CEACAM4: variants seen among roughly 807,000 people sequenced by gnomAD.
CEACAM4 encodes CEA cell adhesion molecule 4.
Under a neutral mutation model 28.7 loss-of-function variants are expected in CEACAM4, and 30 were observed. The ratio of observed to expected loss-of-function variants is 1.05; its 90% CI spans 0.78 to 1.42. The LOEUF (loss-of-function observed/expected upper bound fraction) is 1.42. Ranked by LOEUF, CEACAM4 falls within the 40% of genes most tolerant of loss-of-function variation. The pLI, the probability that CEACAM4 is intolerant of heterozygous loss-of-function variation, is 0.00. For synonymous variants in CEACAM4, 143 were observed against 126.5 expected (o/e 1.13, Z -0.87); for missense variants, 330 against 308.2 (o/e 1.07, Z -0.53).
chr19:41,619,584 A>T (rs1555800227), intron 6 of CEACAM4, 86 bp downstream of exon 6: 5 of 1,560,202 alleles, frequency 3.2e-6, no homozygotes, highest in Non-Finnish European at 4.3e-6. Flanking sequence ...CATTTTCCTG[A>T]ATCTGAGCTC....
downstream of CEACAM4, chr19:41,618,970 TC>T (rs202113640): frequency 8.7e-3 from 2,368 of 273,564 alleles, 56 homozygotes; most frequent in African/African-American, 0.048. Flanking sequence ...ACACGGAGTT[TC>T]AGGTGAGTTT....
In CEACAM4 at chr19:41,620,555, T is replaced by G; in HGVS notation, c.595+20A>C. ...GGGCAGGCCTAGGGGCTCCCACACC[T>G]GGGCTGAAGGGACACTCACCAGGGG... On this transcript the variant is annotated intron_variant, in intron 4 of 6. Transcript: ENST00000221954. 1 of 1,608,412 alleles carries G rather than the reference T, an allele frequency of 6.2e-7. No individual in the cohort carries two copies. The highest frequency in any genetic ancestry group is 8.5e-7 in the Non-Finnish European group (1 of 1,176,928).
intron 2 of CEACAM4, 89 bp downstream of exon 2, chr19:41,625,512 G>C (rs2071579846): frequency 1.7e-5 from 24 of 1,443,174 alleles, no homozygotes; most frequent in Non-Finnish European, 2.3e-5. Context: ...AATGCAGAGG[G>C]GGATGCAGGC....
intron 5 of CEACAM4, 84 bp from the exon 6 acceptor site, chr19:41,619,795 G>A (rs1407764497): frequency 1.7e-6 from 2 of 1,180,088 alleles, no homozygotes; most frequent in Non-Finnish European, 2.3e-6. Context: ...TCTCTGATCG[G>A]CCAGGACTTA....
At position 41,625,912 on chromosome 19, in the gene CEACAM4, A is replaced by C; in HGVS notation, c.113T>G (p.Ile38Ser). 1 of 1,613,750 alleles carries C rather than the reference A, an allele frequency of 6.2e-7. No homozygotes were observed. The highest frequency in any genetic ancestry group is 8.5e-7 in the Non-Finnish European group (1 of 1,179,788). Reference sequence around the variant, plus strand: ...TGCAGCACTGGACGGCAGGGCTTCAATAGTGAACTGGACAGTGGTGGGCGG... The same window carrying C: ...TGCAGCACTGGACGGCAGGGCTTCACTAGTGAACTGGACAGTGGTGGGCGG... ...WHPPTTVQFT[I>S]EALPSSAAEG... Residue 38 changes from isoleucine to serine, a missense_variant, in exon 2 of 7, where the codon ATT becomes AGT. Coordinates refer to ENST00000221954, the MANE Select transcript of CEACAM4 (RefSeq NM_001817.4).
At chr19:41,625,459 G>T in intron 2 of CEACAM4, 142 bp downstream of exon 2, 2 of 930,222 alleles carry the variant, frequency 2.2e-6, no homozygotes, top group Non-Finnish European at 1.7e-6. Flanking sequence ...TACCTACCAT[G>T]TGTGTGTCCT....
intron 5 of CEACAM4, 39 bp from the exon 6 acceptor site, chr19:41,619,750 G>C: frequency 5.3e-6 from 8 of 1,502,272 alleles, no homozygotes; most frequent in Non-Finnish European, 7.1e-6. Context: ...GGACAGGGAG[G>C]GAGGGTCACG....
chr19:41,621,019 C>T (rs1459462727), intron 3 of CEACAM4, among the ~76,000 whole-genome samples: 2 of 152,036 alleles, frequency 1.3e-5, no homozygotes, highest in African/African-American at 2.4e-5. Flanking sequence ...AGGCAAGGAG[C>T]ATGTATCATA....
intron 2 of CEACAM4, among the ~76,000 whole-genome samples, chr19:41,622,384 T>C (rs2071345308): frequency 6.6e-6 from 1 of 152,204 alleles, no homozygotes; most frequent in African/African-American, 2.4e-5. Context: ...AGTCTTCCTC[T>C]TGTTTCTTCT....
At chr19:41,617,138 C>A (rs969248278), downstream of CEACAM4, among the ~76,000 whole-genome samples, 1 of 152,194 alleles carries the variant, frequency 6.6e-6, no homozygotes, top group East Asian at 1.9e-4. Flanking sequence ...TGGAAATTAG[C>A]CTCACTGAGT....
the CEACAM4 span, among the ~76,000 whole-genome samples, chr19:41,613,922 G>A: frequency 1.3e-5 from 2 of 152,202 alleles, no homozygotes; most frequent in Non-Finnish European, 2.9e-5. Flanking sequence ...GGATGCCAAG[G>A]CATTGTAAAA....
intron 1 of CEACAM4, among the ~76,000 whole-genome samples, chr19:41,626,504 T>C (rs1320812550): frequency 6.6e-6 from 1 of 152,232 alleles, no homozygotes; most frequent in Non-Finnish European, 1.5e-5. Context: ...ATGAGCATTC[T>C]CAGGGCCTCC....
At chr19:41,621,170 T>C (rs966400655) in intron 3 of CEACAM4, among the ~76,000 whole-genome samples, 2 of 152,020 alleles carry the variant, frequency 1.3e-5, no homozygotes, top group African/African-American at 4.8e-5. Flanking sequence ...GAGGTCCAGG[T>C]TCTCCCATCT....
At position 41,619,181 on chromosome 19, in the gene CEACAM4, G is replaced by C. The variant is rs974330244; in HGVS notation, c.*149C>G. ...TGTCAGGGTCTCCAGATATTCAGCA[G>C]GGACTCCCATCCCTCCCTGTCCCCA... On this transcript the variant is annotated 3_prime_UTR_variant, in exon 7 of 7. Transcript: ENST00000221954. 3 of 686,190 alleles carry C rather than the reference G, an allele frequency of 4.4e-6. No homozygotes were observed. Among genetic ancestry groups the C allele is most frequent in the Non-Finnish European group, 7.7e-6 (3 of 389,856 alleles). The allele number at this position is 686,190 out of a possible 1,614,324, so 42.5% of individuals were successfully genotyped here. A position where few individuals can be genotyped will look rare whatever the true frequency, so the allele number is the denominator to read the frequency against.
downstream of CEACAM4, among the ~76,000 whole-genome samples, chr19:41,616,564 G>A (rs1298113660): frequency 6.6e-6 from 1 of 151,934 alleles, no homozygotes; most frequent in African/African-American, 2.4e-5. Context: ...CAGATCTTCA[G>A]GCCCCACTTG....
intron 2 of CEACAM4, among the ~76,000 whole-genome samples, chr19:41,624,117 T>C (rs1555802862): frequency 6.6e-6 from 1 of 152,138 alleles, no homozygotes; most frequent in African/African-American, 2.4e-5. Context: ...GAAGAGGTTA[T>C]AGATCATTCC....
At chr19:41,618,423 G>C (rs1466774444), downstream of CEACAM4, among the ~76,000 whole-genome samples, 1 of 152,176 alleles carries the variant, frequency 6.6e-6, no homozygotes, top group East Asian at 1.9e-4. Flanking sequence ...TGGTTGCTCT[G>C]ACAGCCCCTC....
chr19:41,616,939 C>T (rs1555798980), downstream of CEACAM4, among the ~76,000 whole-genome samples: 1 of 152,194 alleles, frequency 6.6e-6, no homozygotes, highest in Non-Finnish European at 1.5e-5. Context: ...AGCAGCCCTG[C>T]AGGGAGTGGC....
intron 2 of CEACAM4, among the ~76,000 whole-genome samples, chr19:41,622,304 C>A (rs2071340286): frequency 6.6e-6 from 1 of 152,154 alleles, no homozygotes; most frequent in African/African-American, 2.4e-5. Context: ...TCTTGAACTC[C>A]TGACCTCAGA....
Sources: allele counts gnomAD v4.1 joint callset (sites outside exome capture counted in the v4.1 genomes callset), GRCh38; gene constraint gnomAD v4.1.1; transcripts MANE v1.5; gene names NCBI Gene and HGNC (gene_info 2026-07-23, HGNC 2026-07-21).